Variants in MIPOL1 observed in about 807,000 individuals in gnomAD.
MIPOL1 encodes the protein mirror-image polydactyly gene 1 protein.
A neutral mutation model predicts 60.9 loss-of-function variants in MIPOL1; 57 were observed. The observed-to-expected ratio is 0.94, with a 90% CI of 0.76 to 1.17. MIPOL1 has a LOEUF of 1.17. MIPOL1 is among the 50% of genes most tolerant of loss of function. MIPOL1 has a pLI of 0.00. For synonymous variants in MIPOL1, 179 were observed against 168.8 expected, an observed-to-expected ratio of 1.06 and a Z score of -0.47; for missense variants, 551 against 511.6, an observed-to-expected ratio of 1.08 and a Z score of -0.74.
At chr14:37,246,683 C>T (rs1973250370) in intron 1 of MIPOL1, among the ~76,000 whole-genome samples, 1 of 152,050 alleles carries the variant, frequency 6.6e-6, no homozygotes, top group Non-Finnish European at 1.5e-5. Context: ...TTTAATTACA[C>T]CTGAGGAGCT....
At chr14:37,473,116 ACTTGGTGC>A (rs1310099462) in intron 11 of MIPOL1, among the ~76,000 whole-genome samples, 1 of 152,132 alleles carries the variant, frequency 6.6e-6, no homozygotes, top group Non-Finnish European at 1.5e-5. Context: ...TGCGTGATCG[ACTTGGTGC>A]CTTTCTCATG....
chr14:37,208,349 A>G (rs1966434070), intron 1 of MIPOL1, among the ~76,000 whole-genome samples: 1 of 152,178 alleles, frequency 6.6e-6, no homozygotes, highest in Non-Finnish European at 1.5e-5. Context: ...TCCTAGCTTC[A>G]TAGTTTTGAG....
chr14:37,244,556 T>TA (rs1223504681), intron 1 of MIPOL1, among the ~76,000 whole-genome samples: 2 of 152,012 alleles, frequency 1.3e-5, no homozygotes, highest in Non-Finnish European at 2.9e-5. Flanking sequence ...TTTTTTTTTT[T>TA]AAATAGGTGA....
chr14:37,533,448 A>T (rs546893297), intron 12 of MIPOL1, among the ~76,000 whole-genome samples: 40 of 152,288 alleles, frequency 2.6e-4, no homozygotes, highest in African/African-American at 8.9e-4. Context: ...AACAAAAGAC[A>T]CTCTAAAAAT....
chr14:37,509,526 G>C (rs1161152979), intron 12 of MIPOL1, among the ~76,000 whole-genome samples: 2 of 151,646 alleles, frequency 1.3e-5, no homozygotes, highest in Non-Finnish European at 2.9e-5. Context: ...TCTGGGTGCT[G>C]GCAAGAGGAA....
intron 1 of MIPOL1, among the ~76,000 whole-genome samples, chr14:37,215,327 A>G (rs1363346262): frequency 1.3e-5 from 2 of 151,864 alleles, no homozygotes; most frequent in Non-Finnish European, 2.9e-5. Context: ...TCTTGGTGGT[A>G]GTGGTCTCCT....
At chr14:37,361,590 TTTTG>T (rs1171951294) in intron 9 of MIPOL1, among the ~76,000 whole-genome samples, 1 of 148,016 alleles carries the variant, frequency 6.8e-6, no homozygotes, top group African/African-American at 2.5e-5. Context: ...TGATGGCCTT[TTTTG>T]TTTCTCCCTC....
intron 11 of MIPOL1, among the ~76,000 whole-genome samples, chr14:37,495,817 A>C (rs1478440097): frequency 6.6e-6 from 1 of 151,788 alleles, no homozygotes; most frequent in Non-Finnish European, 1.5e-5. Context: ...AATGATTGCC[A>C]TTCTAACTGG....
At chr14:37,221,980 A>AAAATAAAT (rs150353776) in intron 1 of MIPOL1, among the ~76,000 whole-genome samples, 4 of 151,556 alleles carry the variant, frequency 2.6e-5, no homozygotes, top group African/African-American at 7.3e-5. Context: ...ATCAAATAGA[A>AAAATAAAT]AAATAAATAA....
chr14:37,383,518 C>T (rs374261365), intron 10 of MIPOL1, among the ~76,000 whole-genome samples: 34 of 151,846 alleles, frequency 2.2e-4, no homozygotes, highest in South Asian at 8.3e-4. Context: ...GTTTTTGCTC[C>T]GTTATATGAT....
chr14:37,341,050 G>C (rs2090533164), intron 9 of MIPOL1, among the ~76,000 whole-genome samples: 1 of 152,134 alleles, frequency 6.6e-6, no homozygotes, highest in Non-Finnish European at 1.5e-5. Context: ...GCCTAGATGT[G>C]CAGTAGGCTA....
intron 9 of MIPOL1, among the ~76,000 whole-genome samples, chr14:37,356,551 T>A (rs1313330357): frequency 1.3e-5 from 2 of 152,154 alleles, no homozygotes; most frequent in Non-Finnish European, 1.5e-5. Flanking sequence ...GTGCTAGCAA[T>A]CAGCGAGACT....
intron 11 of MIPOL1, among the ~76,000 whole-genome samples, chr14:37,498,666 C>G (rs952153155): frequency 6.6e-6 from 1 of 152,084 alleles, no homozygotes; most frequent in Non-Finnish European, 1.5e-5. Context: ...ACACACTATT[C>G]TAATTTTCTG....
chr14:37,341,563 A>T (rs780967967), intron 9 of MIPOL1, among the ~76,000 whole-genome samples: 12 of 152,190 alleles, frequency 7.9e-5, no homozygotes, highest in Non-Finnish European at 1.5e-4. Flanking sequence ...AGTATTACTT[A>T]AAAAATATCT....
chr14:37,522,422 T>G (rs2095420248), intron 12 of MIPOL1, among the ~76,000 whole-genome samples: 1 of 152,198 alleles, frequency 6.6e-6, no homozygotes, highest in Non-Finnish European at 1.5e-5. Context: ...TTTGTGTTAG[T>G]GGACTTACTA....
chr14:37,323,337 A>G (rs943823581), intron 9 of MIPOL1, among the ~76,000 whole-genome samples: 2 of 151,886 alleles, frequency 1.3e-5, no homozygotes, highest in Admixed American at 6.6e-5. Flanking sequence ...TGGTCTATAT[A>G]TATGTTTTGG....
chr14:37,472,831 G>T (rs2094709009), intron 11 of MIPOL1, among the ~76,000 whole-genome samples: 2 of 152,008 alleles, frequency 1.3e-5, no homozygotes, highest in Non-Finnish European at 2.9e-5. Flanking sequence ...CTCACTTCCT[G>T]CCCAGTATGT....
chr14:37,401,585 A>G (rs930938887), intron 10 of MIPOL1: 1 of 152,106 alleles, frequency 6.6e-6, no homozygotes, highest in Non-Finnish European at 1.5e-5. Context: ...AAAGACTGCA[A>G]TTTAAGGATC....
At chr14:37,258,766 T>G (rs1975383627) in intron 3 of MIPOL1, among the ~76,000 whole-genome samples, 1 of 152,114 alleles carries the variant, frequency 6.6e-6, no homozygotes, top group African/African-American at 2.4e-5. Context: ...CTTTAAATAG[T>G]TCATACAAAG....
Sources: gnomAD v4.1 joint callset for allele counts (sites outside exome capture counted in the v4.1 genomes callset) on GRCh38, gnomAD v4.1.1 for gene constraint, MANE v1.5 for transcripts, NCBI Gene and HGNC (gene_info 2026-07-23, HGNC 2026-07-21) for gene names.